The following SDC2 variants were observed in gnomAD, a reference collection of about 807,000 sequenced individuals.
SDC2 encodes syndecan-2.
Under a neutral mutation model 22.2 loss-of-function variants are expected in SDC2, and 13 were observed. The observed-to-expected ratio is 0.59, with a 90% confidence interval of 0.38 to 0.93. The LOEUF is 0.93. Ranked by LOEUF, SDC2 falls within the 40% of genes least tolerant of loss-of-function variation. The pLI, the probability that SDC2 is intolerant of heterozygous loss-of-function variation, is 0.00. For missense variants in SDC2, 235 were observed against 246.8 expected (o/e 0.95, Z 0.32); for synonymous variants, 94 against 92.8 (o/e 1.01, Z -0.07).
chr8:96,577,700 T>C (rs1194492167), intron 1 of SDC2, among the ~76,000 whole-genome samples: 1 of 152,204 alleles, frequency 6.6e-6, no homozygotes, highest in African/African-American at 2.4e-5. Context: ...CAGAATAATT[T>C]CACTGCCCTA....
intron 1 of SDC2, among the ~76,000 whole-genome samples, chr8:96,501,140 G>T (rs1813155736): frequency 6.6e-6 from 1 of 151,702 alleles, no homozygotes; most frequent in Non-Finnish European, 1.5e-5. Context: ...TTTTTTTTAT[G>T]ATTACACAGG....
intron 1 of SDC2, among the ~76,000 whole-genome samples, chr8:96,534,306 G>A (rs1053124652): frequency 6.6e-5 from 10 of 152,238 alleles, no homozygotes; most frequent in South Asian, 2.1e-4. Context: ...TGGCCAGAGC[G>A]GACGCTGAGG....
At chr8:96,566,092 G>A (rs1295439807) in intron 1 of SDC2, among the ~76,000 whole-genome samples, 1 of 152,122 alleles carries the variant, frequency 6.6e-6, no homozygotes, top group Non-Finnish European at 1.5e-5. Context: ...TGGGCACAGT[G>A]AGCACTCACT....
chr8:96,561,708 G>C (rs1290540161), intron 1 of SDC2, among the ~76,000 whole-genome samples: 1 of 152,238 alleles, frequency 6.6e-6, no homozygotes, highest in Middle Eastern at 3.4e-3. Context: ...CTTAATTTGA[G>C]ATGTATTATT....
chr8:96,602,433 T>A lies in SDC2; in HGVS notation c.211T>A (p.Ser71Thr), dbSNP rs1042381. The change falls in exon 3 of 5, where the codon TCT (serine) becomes ACT (threonine). Residue 71 changes from serine (S) to threonine (T), a missense_variant. By Grantham distance (58) the Ser-to-Thr change is moderately conservative. Transcript: ENST00000302190. ...EDVESPELTT[S>T]RPLPKILLTS... is the part of the protein sequence containing the mutation. ...TGTAGAGAGTCCAGAGCTGACAACA[T>A]CTCGACCACTTCCAAAGATACTGTT... 0.19 allele frequency: 310,010 copies of A among 1,613,670 alleles called. 32,186 individuals carry two copies. The highest frequency in any genetic ancestry group is 0.39 in the African/African-American group (29,191 of 74,906).
intron 1 of SDC2, among the ~76,000 whole-genome samples, chr8:96,513,037 C>G (rs1211396219): frequency 6.6e-6 from 1 of 152,016 alleles, no homozygotes; most frequent in Non-Finnish European, 1.5e-5. Context: ...ATTCATTACA[C>G]AAAGGATTTG....
intron 1 of SDC2, among the ~76,000 whole-genome samples, chr8:96,581,716 G>A (rs1814593337): frequency 6.6e-6 from 1 of 152,188 alleles, no homozygotes; most frequent in Admixed American, 6.5e-5. Flanking sequence ...TCTGATGGAG[G>A]TAGATTAGAA....
chr8:96,606,254 C>G (rs774649959), intron 3 of SDC2, among the ~76,000 whole-genome samples: 1 of 147,852 alleles, frequency 6.8e-6, no homozygotes, highest in Non-Finnish European at 1.5e-5. Flanking sequence ...CAGCACCATG[C>G]CTGGCTAATT....
At chr8:96,557,533 CCAAA>C (rs948100882) in intron 1 of SDC2, among the ~76,000 whole-genome samples, 86 of 149,568 alleles carry the variant, frequency 5.7e-4, no homozygotes, top group African/African-American at 2.0e-3. Context: ...GAACAAAAAA[CCAAA>C]CACCGCATAT....
intron 1 of SDC2, among the ~76,000 whole-genome samples, chr8:96,518,173 C>A (rs1453316430): frequency 6.6e-6 from 1 of 151,836 alleles, no homozygotes; most frequent in Non-Finnish European, 1.5e-5. Flanking sequence ...GCTGATTTTT[C>A]GAAGTTTTGT....
chr8:96,609,745 T>G lies in SDC2; in HGVS notation c.*197T>G. On this transcript the variant is annotated 3_prime_UTR_variant, in exon 5 of 5. Transcript: ENST00000302190. ...TAAAATTAAAATTTAACATCTGCAG[T>G]GTTCTGTGAATAGCAGTGGCAAAAT... The G allele has an allele frequency of 3.3e-5, 13 of 393,392 alleles. No homozygotes were observed. Among genetic ancestry groups the G allele is most frequent in the East Asian group, 3.9e-5 (1 of 25,728 alleles). The allele number at this position is 393,392 out of a possible 1,614,324, so 24.4% of individuals were successfully genotyped here.
At chr8:96,568,185 G>C (rs995529457) in intron 1 of SDC2, among the ~76,000 whole-genome samples, 1 of 152,210 alleles carries the variant, frequency 6.6e-6, no homozygotes, top group Non-Finnish European at 1.5e-5. Flanking sequence ...AAAGCCTGCG[G>C]GTTTTCCTCT....
intron 1 of SDC2, among the ~76,000 whole-genome samples, chr8:96,520,073 C>T (rs984093050): frequency 3.3e-5 from 5 of 152,180 alleles, no homozygotes; most frequent in East Asian, 1.9e-4. Flanking sequence ...GCCTTTCTCA[C>T]GGGACTTCCT....
intron 1 of SDC2, among the ~76,000 whole-genome samples, chr8:96,565,228 G>A (rs919654258): frequency 9.9e-5 from 15 of 151,442 alleles, no homozygotes; most frequent in African/African-American, 2.9e-4. Flanking sequence ...GGGACTACAG[G>A]CGTGCGCCAC....
At chr8:96,536,658 G>A (rs144041959) in intron 1 of SDC2, among the ~76,000 whole-genome samples, 2 of 152,320 alleles carry the variant, frequency 1.3e-5, no homozygotes, top group African/African-American at 4.8e-5. Flanking sequence ...TGAGTGCCTA[G>A]CATGGTGTTA....
At chr8:96,567,014 C>T (rs547437800) in intron 1 of SDC2, among the ~76,000 whole-genome samples, 8 of 152,226 alleles carry the variant, frequency 5.3e-5, no homozygotes, top group East Asian at 3.9e-4. Flanking sequence ...TCACCACGCC[C>T]GGCTAATTTT....
intron 1 of SDC2, among the ~76,000 whole-genome samples, chr8:96,567,259 T>C (rs986304730): frequency 2.0e-5 from 3 of 152,258 alleles, no homozygotes; most frequent in Admixed American, 2.0e-4. Context: ...TGAAGAATTC[T>C]GGTAGCGAAA....
intron 1 of SDC2, among the ~76,000 whole-genome samples, chr8:96,518,806 T>G (rs1265561353): frequency 6.6e-6 from 1 of 152,200 alleles, no homozygotes; most frequent in Non-Finnish European, 1.5e-5. Flanking sequence ...TAATTAGGAA[T>G]AATATGGTTC....
At chr8:96,577,085 G>C (rs556468728) in intron 1 of SDC2, among the ~76,000 whole-genome samples, 9 of 152,148 alleles carry the variant, frequency 5.9e-5, no homozygotes, top group Non-Finnish European at 1.3e-4. Context: ...TTCCATATCT[G>C]TTGCTGGCAT....
Sources: gnomAD v4.1 joint callset for allele counts (sites outside exome capture counted in the v4.1 genomes callset) on GRCh38, gnomAD v4.1.1 for gene constraint, MANE v1.5 for transcripts, NCBI Gene and HGNC (gene_info 2026-07-23, HGNC 2026-07-21) for gene names.